CADM2: variants seen among roughly 807,000 people sequenced by gnomAD.
CADM2 encodes cell adhesion molecule 2.
CADM2 carries 12 observed loss-of-function variants against 49.8 expected under a neutral mutation model. The observed-to-expected ratio is 0.24, with a 90% CI of 0.15 to 0.39. CADM2 has a LOEUF of 0.39. Among genes scored for constraint, CADM2 ranks in the 10% least tolerant of loss-of-function variants. The pLI, the probability that CADM2 is intolerant of heterozygous loss-of-function variation, is 1.00. For synonymous variants in CADM2, 214 were observed against 175.4 expected (o/e 1.22, Z -1.74); for missense variants, 378 against 492.3 (o/e 0.77, Z 2.20).
chr3:85,992,688 G>A (rs574037885), intron 8 of CADM2: 3 of 152,066 alleles, frequency 2.0e-5, no homozygotes, highest in Admixed American at 6.6e-5. Flanking sequence ...AACAATGTAC[G>A]TACCTTAATT....
At chr3:85,193,057 A>T (rs2041247181) in intron 1 of CADM2, among the ~76,000 whole-genome samples, 1 of 152,146 alleles carries the variant, frequency 6.6e-6, no homozygotes, top group Admixed American at 6.6e-5. Context: ...GAATGTCTGA[A>T]GTTCCAGAAA....
At position 85,935,800 on chromosome 3, in the gene CADM2, CT is replaced by C; in HGVS notation, c.738del (p.Pro247HisfsTer7). ...TPSVKIIPST[P>X]FPQEGQPLIL... The stretch of plus-strand genomic sequence containing the variant: ...TCAGTTAAGATTATACCATCGACTC[CT>C]TTTCCACAAGAAGGACAGCCTTTAA... On this transcript the variant is annotated frameshift_variant, in exon 7 of 10. Coordinates refer to ENST00000383699, the MANE Select transcript of CADM2 (RefSeq NM_001167675.2). LOFTEE classifies it high-confidence loss of function. The C allele has an allele frequency of 1.2e-6, 2 of 1,606,910 alleles. No individual in the cohort carries two copies. Among genetic ancestry groups the C allele is most frequent in the South Asian group, 1.1e-5 (1 of 90,472 alleles).
At chr3:85,779,646 A>G (rs1255770076) in intron 2 of CADM2, among the ~76,000 whole-genome samples, 1 of 152,202 alleles carries the variant, frequency 6.6e-6, no homozygotes, top group Non-Finnish European at 1.5e-5. Flanking sequence ...ACCTCCCACC[A>G]GGTTCATCCC....
intron 2 of CADM2, among the ~76,000 whole-genome samples, chr3:85,733,110 CT>C (rs1409186081): frequency 6.6e-6 from 1 of 152,174 alleles, no homozygotes; most frequent in Non-Finnish European, 1.5e-5. Flanking sequence ...ATTTCTCATT[CT>C]TTTAAAACTC....
intron 8 of CADM2, among the ~76,000 whole-genome samples, chr3:86,037,414 A>C (rs1735300536): frequency 6.6e-6 from 1 of 152,202 alleles, no homozygotes; most frequent in Non-Finnish European, 1.5e-5. Context: ...TTAACACTTC[A>C]GAGATGACAG....
chr3:85,304,624 A>G (rs1023288791), intron 1 of CADM2, among the ~76,000 whole-genome samples: 3 of 151,842 alleles, frequency 2.0e-5, no homozygotes, highest in African/African-American at 7.2e-5. Context: ...AACGGTTGTA[A>G]TAACTCACCT....
At chr3:85,805,826 G>A (rs2072376011) in intron 3 of CADM2, among the ~76,000 whole-genome samples, 1 of 152,140 alleles carries the variant, frequency 6.6e-6, no homozygotes, top group Non-Finnish European at 1.5e-5. Context: ...AGAGAAAAGG[G>A]AAGGAATGGG....
intron 1 of CADM2, among the ~76,000 whole-genome samples, chr3:85,405,360 T>G (rs1310608670): frequency 6.6e-6 from 1 of 152,188 alleles, no homozygotes; most frequent in East Asian, 1.9e-4. Context: ...ATCATTATCT[T>G]ATTTTATCCT....
At chr3:85,050,027 A>G (rs1405232522) in intron 1 of CADM2, among the ~76,000 whole-genome samples, 1 of 151,900 alleles carries the variant, frequency 6.6e-6, no homozygotes, top group Non-Finnish European at 1.5e-5. Context: ...CAGTCATTTC[A>G]TCGGCCTTCT....
At chr3:85,295,069 A>G (rs952064654) in intron 1 of CADM2, among the ~76,000 whole-genome samples, 27 of 152,210 alleles carry the variant, frequency 1.8e-4, no homozygotes, top group Admixed American at 5.9e-4. Context: ...TCCAGAATCT[A>G]CAATGAACTC....
chr3:85,339,215 G>A (rs1220632210), intron 1 of CADM2, among the ~76,000 whole-genome samples: 1 of 151,462 alleles, frequency 6.6e-6, no homozygotes, highest in Non-Finnish European at 1.5e-5. Context: ...TGCACCAGAA[G>A]TCAGGCATTA....
chr3:85,579,935 G>C (rs1466898523), intron 1 of CADM2, among the ~76,000 whole-genome samples: 1 of 152,074 alleles, frequency 6.6e-6, no homozygotes, highest in Non-Finnish European at 1.5e-5. Flanking sequence ...AAATGTATAT[G>C]TTTACATACA....
intron 3 of CADM2, among the ~76,000 whole-genome samples, chr3:85,840,392 CA>C (rs1443525054): frequency 6.6e-6 from 1 of 151,890 alleles, no homozygotes. Context: ...CTAAGACTTA[CA>C]ATACTAAATT....
At chr3:85,280,125 C>T (rs181134509) in intron 1 of CADM2, among the ~76,000 whole-genome samples, 21 of 151,728 alleles carry the variant, frequency 1.4e-4, no homozygotes, top group Admixed American at 1.4e-3. Flanking sequence ...TTACATTAAG[C>T]TGATAACAAC....
intron 1 of CADM2, among the ~76,000 whole-genome samples, chr3:85,619,407 A>T (rs771343680): frequency 9.9e-5 from 15 of 152,142 alleles, no homozygotes; most frequent in Non-Finnish European, 2.1e-4. Context: ...AGGAAAAAAA[A>T]TAATTATTTC....
At chr3:85,989,592 A>G (rs546759871) in intron 8 of CADM2, among the ~76,000 whole-genome samples, 8 of 152,278 alleles carry the variant, frequency 5.3e-5, no homozygotes, top group African/African-American at 1.9e-4. Flanking sequence ...GACCAAATGG[A>G]GAAGGAAGAA....
chr3:85,413,161 A>AAT (rs1553720240), intron 1 of CADM2, among the ~76,000 whole-genome samples: 26 of 108,520 alleles, frequency 2.4e-4, no homozygotes, highest in Non-Finnish European at 3.7e-4. Context: ...AAAAAAAAAA[A>AAT]AATAATAATA....
chr3:85,983,343 A>T (rs1727695408), intron 8 of CADM2, among the ~76,000 whole-genome samples: 1 of 151,654 alleles, frequency 6.6e-6, no homozygotes, highest in Non-Finnish European at 1.5e-5. Context: ...GAAATGAACC[A>T]ACTTGGGCAG....
chr3:85,637,318 A>G (rs948301398), intron 1 of CADM2, among the ~76,000 whole-genome samples: 2 of 151,806 alleles, frequency 1.3e-5, no homozygotes, highest in Non-Finnish European at 2.9e-5. Context: ...AAAAGGTATT[A>G]TTGGCCGGGC....
Sources: gnomAD v4.1 joint callset for allele counts (sites outside exome capture counted in the v4.1 genomes callset) on GRCh38, gnomAD v4.1.1 for gene constraint, MANE v1.5 for transcripts, NCBI Gene and HGNC (gene_info 2026-07-23, HGNC 2026-07-21) for gene names.